The following CACNA2D3 variants were observed in gnomAD, a reference collection of about 807,000 sequenced individuals.
CACNA2D3 encodes calcium voltage-gated channel auxiliary subunit alpha2delta 3, also known as voltage-dependent calcium channel subunit alpha-2/delta-3.
In CACNA2D3, 60 loss-of-function variants were observed where a neutral mutation model predicts 160.6. The observed-to-expected ratio is 0.37, with a 90% CI of 0.30 to 0.46. The LOEUF is 0.46. Among genes scored for constraint, CACNA2D3 ranks in the 20% least tolerant of loss-of-function variants. The pLI, the probability that CACNA2D3 is intolerant of heterozygous loss-of-function variation, is 1.00. For missense variants in CACNA2D3, 1,205 were observed against 1,365.0 expected, an observed-to-expected ratio of 0.88 and a Z score of 1.85; for synonymous variants, 558 against 492.9, an observed-to-expected ratio of 1.13 and a Z score of -1.75.
chr3:54,349,262 C>T (rs1459258037), intron 3 of CACNA2D3, among the ~76,000 whole-genome samples: 2 of 152,178 alleles, frequency 1.3e-5, no homozygotes, highest in Non-Finnish European at 2.9e-5. Flanking sequence ...GAGCAAGAGG[C>T]GCCCACACAC....
At chr3:54,892,610 GT>G (rs568661667) in intron 25 of CACNA2D3, among the ~76,000 whole-genome samples, 1 of 152,094 alleles carries the variant, frequency 6.6e-6, no homozygotes, top group Non-Finnish European at 1.5e-5. Flanking sequence ...TTTTTTAAGC[GT>G]TTTTCCCCCA....
chr3:54,338,467 CTGTGTGTGTGTG>C (rs71074965), intron 3 of CACNA2D3, among the ~76,000 whole-genome samples: 1,499 of 136,530 alleles, frequency 0.011, 28 homozygotes, highest in African/African-American at 0.038. Flanking sequence ...TCTCCCCTCC[CTGTGTGTGTGTG>C]TGTGTGTGTG....
intron 2 of CACNA2D3, among the ~76,000 whole-genome samples, chr3:54,129,674 A>G (rs1254806125): frequency 2.0e-5 from 3 of 152,242 alleles, no homozygotes; most frequent in East Asian, 3.8e-4. Context: ...AAGGACTGTT[A>G]TGCATGTAAA....
rs200588023 is a variant in CACNA2D3 at position 55,018,336 on chromosome 3, C to T, written c.2987+19C>T. ...GCTCCAAGTAAGCCATCCCCCCACCCTCTAACCCCCTACACCTTTCTGCTC... is the reference window on the plus strand; with the variant it reads ...GCTCCAAGTAAGCCATCCCCCCACCTTCTAACCCCCTACACCTTTCTGCTC... On this transcript the variant is annotated intron_variant, in intron 35 of 37. Coordinates refer to ENST00000474759, the MANE Select transcript of CACNA2D3 (RefSeq NM_018398.3). The T allele has an allele frequency of 4.1e-5, 59 of 1,443,598 alleles. 1 individual carries two copies. Among genetic ancestry groups the T allele is most frequent in the Non-Finnish European group, 5.3e-5 (55 of 1,028,382 alleles). The allele number at this position is 1,443,598 out of a possible 1,614,324, so 89.4% of individuals were successfully genotyped here. A position where few individuals can be genotyped will look rare whatever the true frequency, so the allele number is the denominator to read the frequency against.
intron 5 of CACNA2D3, among the ~76,000 whole-genome samples, chr3:54,510,713 C>T (rs1215263125): frequency 6.6e-6 from 1 of 152,108 alleles, no homozygotes; most frequent in African/African-American, 2.4e-5. Context: ...GCATGGTGGA[C>T]TAGAAAGGGC....
chr3:54,959,737 G>A (rs1393729623), intron 27 of CACNA2D3, among the ~76,000 whole-genome samples: 1 of 152,132 alleles, frequency 6.6e-6, no homozygotes, highest in Non-Finnish European at 1.5e-5. Flanking sequence ...TTGAAAGGGT[G>A]GGAATTGACT....
intron 13 of CACNA2D3, among the ~76,000 whole-genome samples, chr3:54,770,901 G>A (rs1023594482): frequency 6.6e-6 from 1 of 152,182 alleles, no homozygotes; most frequent in Non-Finnish European, 1.5e-5. Context: ...AAAGAAAGTT[G>A]CTAAAAAATT....
intron 4 of CACNA2D3, among the ~76,000 whole-genome samples, chr3:54,389,987 G>T (rs867190189): frequency 6.6e-6 from 1 of 152,178 alleles, no homozygotes; most frequent in African/African-American, 2.4e-5. Context: ...ATTTTTTCTG[G>T]CTTCATTGGT....
At chr3:54,918,908 G>A (rs958301492) in intron 27 of CACNA2D3, 1 of 1,513,084 alleles carries the variant, frequency 6.6e-7, no homozygotes, top group African/African-American at 1.4e-5. Flanking sequence ...AAAAACAAAA[G>A]CAAAGAACAA....
chr3:54,867,405 G>A (rs1412349954), intron 17 of CACNA2D3, among the ~76,000 whole-genome samples: 1 of 151,804 alleles, frequency 6.6e-6, no homozygotes, highest in Non-Finnish European at 1.5e-5. Context: ...ACCAGTGTTT[G>A]TGAATACTTC....
At chr3:54,807,324 C>A (rs1182562004) in intron 13 of CACNA2D3, among the ~76,000 whole-genome samples, 2 of 152,124 alleles carry the variant, frequency 1.3e-5, no homozygotes, top group Non-Finnish European at 2.9e-5. Context: ...GGGCTAATAT[C>A]CAGAATCTAC....
At chr3:54,716,584 G>A (rs538028863) in intron 11 of CACNA2D3, among the ~76,000 whole-genome samples, 1 of 152,144 alleles carries the variant, frequency 6.6e-6, no homozygotes, top group African/African-American at 2.4e-5. Context: ...CTCTGGGTGG[G>A]TGGGGGAGGA....
At chr3:54,827,830 C>A (rs1703779700) in intron 14 of CACNA2D3, among the ~76,000 whole-genome samples, 1 of 152,168 alleles carries the variant, frequency 6.6e-6, no homozygotes, top group Non-Finnish European at 1.5e-5. Context: ...ATTTAAGGAC[C>A]ATTTGCTGGG....
At chr3:54,760,342 G>A (rs943165988) in intron 12 of CACNA2D3, among the ~76,000 whole-genome samples, 7 of 152,256 alleles carry the variant, frequency 4.6e-5, no homozygotes, top group Middle Eastern at 3.4e-3. Flanking sequence ...CCCTGAGGAG[G>A]GGAACGCAGT....
intron 4 of CACNA2D3, among the ~76,000 whole-genome samples, chr3:54,465,003 C>G (rs1457776797): frequency 6.6e-6 from 1 of 152,094 alleles, no homozygotes. Context: ...TTATGGTATC[C>G]CATAAGTCCT....
At chr3:54,523,788 G>C (rs931870061) in intron 5 of CACNA2D3, among the ~76,000 whole-genome samples, 1 of 151,804 alleles carries the variant, frequency 6.6e-6, no homozygotes, top group Admixed American at 6.6e-5. Context: ...TATTTTATTG[G>C]CATACAGTTG....
chr3:54,523,417 T>C (rs1393100034), intron 5 of CACNA2D3, among the ~76,000 whole-genome samples: 2 of 152,196 alleles, frequency 1.3e-5, no homozygotes, highest in African/African-American at 4.8e-5. Flanking sequence ...TATATAATTC[T>C]TCTTAAGTGT....
intron 4 of CACNA2D3, 77 bp from the exon 5 acceptor site, chr3:54,503,415 G>A (rs1701323309): frequency 5.4e-6 from 7 of 1,285,180 alleles, no homozygotes; most frequent in Non-Finnish European, 7.9e-6. Flanking sequence ...ATGGCACATG[G>A]CCTGTGCCCA....
intron 35 of CACNA2D3, among the ~76,000 whole-genome samples, chr3:55,031,482 A>G (rs967776357): frequency 4.6e-5 from 7 of 152,214 alleles, no homozygotes; most frequent in African/African-American, 7.2e-5. Flanking sequence ...TTGAATATAG[A>G]TACAAAGTTT....
Sources: gnomAD v4.1 joint callset for allele counts (sites outside exome capture counted in the v4.1 genomes callset) on GRCh38, gnomAD v4.1.1 for gene constraint, MANE v1.5 for transcripts, NCBI Gene and HGNC (gene_info 2026-07-23, HGNC 2026-07-21) for gene names.